HK2: variants seen among roughly 807,000 people sequenced by gnomAD.
HK2 encodes hexokinase 2.
A neutral mutation model predicts 92.9 loss-of-function variants in HK2; 42 were observed. That is an observed-to-expected ratio of 0.45 (90% CI 0.35 to 0.58). HK2 has a LOEUF of 0.58. Ranked by LOEUF, HK2 falls within the 20% of genes least tolerant of loss-of-function variation. The pLI is 0.00. For missense variants in HK2, 978 were observed against 1,245.1 expected, an observed-to-expected ratio of 0.79 and a Z score of 3.23; for synonymous variants, 422 against 468.0, an observed-to-expected ratio of 0.90 and a Z score of 1.27.
intron 10 of HK2, among the ~76,000 whole-genome samples, chr2:74,881,192 C>G (rs1460414499): frequency 6.6e-6 from 1 of 152,252 alleles, no homozygotes; most frequent in East Asian, 1.9e-4. Context: ...CGTTTGCTGT[C>G]TGGGCCTTTA....
At chr2:74,836,060 G>A (rs949047490) in intron 1 of HK2, among the ~76,000 whole-genome samples, 3 of 152,154 alleles carry the variant, frequency 2.0e-5, no homozygotes, top group Non-Finnish European at 2.9e-5. Context: ...TAATTCCTGG[G>A]ATGTGGCTCT....
intron 1 of HK2, among the ~76,000 whole-genome samples, chr2:74,853,563 C>CAACAAA (rs1239618602): frequency 7.3e-6 from 1 of 136,990 alleles, no homozygotes; most frequent in Non-Finnish European, 1.6e-5. Context: ...ACAACAACAA[C>CAACAAA]AAAATTAGCC....
Position 74,834,559 on chromosome 2 carries a change from T to C in HK2, c.-22T>C, listed in dbSNP as rs199694507. Reference sequence around the variant, plus strand: ...CGTCTCCGCCTCGGTTTCCCAACTCTGCGCCGTCGGGCCGCGGCAGGATGA... The same window carrying C: ...CGTCTCCGCCTCGGTTTCCCAACTCCGCGCCGTCGGGCCGCGGCAGGATGA... On this transcript the variant is annotated 5_prime_UTR_variant, in exon 1 of 18. Coordinates refer to ENST00000290573, the MANE Select transcript of HK2 (RefSeq NM_000189.5). This position sits in a 1 kb window ranked among gnomAD's most constrained non-coding sequence, Gnocchi z 4.2. The C allele has an allele frequency of 3.4e-5, 55 of 1,613,504 alleles. No homozygotes were observed. The East Asian group carries it at 1.0e-3, about 31-fold the overall frequency.
intron 1 of HK2, among the ~76,000 whole-genome samples, chr2:74,835,608 T>G (rs1267940672): frequency 1.8e-4 from 21 of 119,580 alleles, no homozygotes; most frequent in South Asian, 6.6e-4. Context: ...GGTATGGGGG[T>G]GGGGATGGGG....
At chr2:74,850,359 A>G (rs1290128265) in intron 1 of HK2, among the ~76,000 whole-genome samples, 1 of 152,258 alleles carries the variant, frequency 6.6e-6, no homozygotes, top group East Asian at 1.9e-4. Flanking sequence ...TCTTTGATTG[A>G]GGAAACTCTT....
chr2:74,873,102 A>C (rs958477883), intron 4 of HK2, among the ~76,000 whole-genome samples, 174 bp from the exon 5 acceptor site: 3 of 152,242 alleles, frequency 2.0e-5, no homozygotes, highest in Non-Finnish European at 4.4e-5. Flanking sequence ...TGTGTCTTAT[A>C]GTGCCAGTTG....
chr2:74,875,764 T>A (rs1056892680), intron 7 of HK2, among the ~76,000 whole-genome samples: 1 of 152,236 alleles, frequency 6.6e-6, no homozygotes, highest in African/African-American at 2.4e-5. Flanking sequence ...GAGAGGTTTA[T>A]GAGCTGAAAA....
chr2:74,855,514 C>T (rs1016324604), intron 2 of HK2, among the ~76,000 whole-genome samples: 9 of 152,138 alleles, frequency 5.9e-5, no homozygotes, highest in South Asian at 2.1e-4. Context: ...GGATTACAGG[C>T]GTGGCTACCG....
At chr2:74,858,170 C>T (rs974237345) in intron 2 of HK2, among the ~76,000 whole-genome samples, 1 of 152,110 alleles carries the variant, frequency 6.6e-6, no homozygotes, top group African/African-American at 2.4e-5. Context: ...AATTTGGGGA[C>T]CAGAATTTAT....
chr2:74,840,593 C>T (rs933651826), intron 1 of HK2, among the ~76,000 whole-genome samples: 4 of 150,732 alleles, frequency 2.7e-5, no homozygotes, highest in Non-Finnish European at 4.4e-5. Context: ...TTATGCCGGG[C>T]GCGGTGGCTC....
chr2:74,887,009 C>T (rs1331014898), intron 15 of HK2, among the ~76,000 whole-genome samples: 2 of 152,198 alleles, frequency 1.3e-5, no homozygotes, highest in Non-Finnish European at 2.9e-5. Flanking sequence ...CAAATCCTCT[C>T]CCTCCTCCAT....
Position 74,891,170 on chromosome 2 carries a change from C to G in HK2, c.*229C>G. The G allele has an allele frequency of 1.8e-6, 1 of 561,166 alleles. No individual in the cohort carries two copies. The allele number at this position is 561,166 out of a possible 1,614,324, so 34.8% of individuals were successfully genotyped here. A position where few individuals can be genotyped will look rare whatever the true frequency, so the allele number is the denominator to read the frequency against. Reference sequence around the variant, plus strand: ...AAGGATTTGTTCACATGCATCATAACCATTCCCATTGGTTCTCCTAAAACA... The same window carrying G: ...AAGGATTTGTTCACATGCATCATAAGCATTCCCATTGGTTCTCCTAAAACA... On this transcript the variant is annotated 3_prime_UTR_variant, in exon 18 of 18. Coordinates refer to ENST00000290573, the MANE Select transcript of HK2 (RefSeq NM_000189.5).
intron 1 of HK2, among the ~76,000 whole-genome samples, chr2:74,850,239 A>C (rs1052169093): frequency 6.6e-6 from 1 of 152,220 alleles, no homozygotes; most frequent in Non-Finnish European, 1.5e-5. Flanking sequence ...TGGAATTCTT[A>C]CTGTTTTCTT....
Position 74,866,562 on chromosome 2 carries a change from G to A in HK2, c.227-1074G>A, listed in dbSNP as rs891281650. Among the ~76,000 whole-genome samples, 7 of 152,290 alleles carry A rather than the reference G, an allele frequency of 4.6e-5. No homozygotes were observed. The Middle Eastern group carries it at 0.017, about 370-fold the overall frequency. The stretch of plus-strand genomic sequence containing the variant: ...ATGGGGCCCTTCCCCATAGTCGGTG[G>A]TATTATCACCCAGGATCTGGATGTT... On this transcript the variant is annotated intron_variant, in intron 2 of 17. Coordinates refer to ENST00000290573, the MANE Select transcript of HK2 (RefSeq NM_000189.5).
In HK2 at chr2:74,878,792, C is replaced by T. The variant is rs780695752; in HGVS notation, c.1136C>T (p.Ser379Phe). Residue 379 changes from serine to phenylalanine, a missense_variant, in exon 9 of 18, where the codon TCC becomes TTC. Transcript: ENST00000290573. Reference sequence around the variant, plus strand: ...ACTCACCGGATCTGCCAGATCGTGTCCACACGCTCCGCCAGCCTGTGCGCA... The same window carrying T: ...ACTCACCGGATCTGCCAGATCGTGTTCACACGCTCCGCCAGCCTGTGCGCA... ...VATHRICQIV[S>F]TRSASLCAAT... 3.2e-6 allele frequency: 5 copies of T among 1,564,582 alleles called. No individual in the cohort carries two copies. The highest frequency in any genetic ancestry group is 3.5e-6 in the Non-Finnish European group (4 of 1,155,436).
intron 3 of HK2, 97 bp downstream of exon 3, chr2:74,867,881 C>A: frequency 7.1e-7 from 1 of 1,404,112 alleles, no homozygotes; most frequent in Non-Finnish European, 1.0e-6. Flanking sequence ...TGTGGATAGG[C>A]AGTCACCCAA....
chr2:74,838,664 G>A (rs1389797341), intron 1 of HK2, among the ~76,000 whole-genome samples: 3 of 150,976 alleles, frequency 2.0e-5, no homozygotes, highest in African/African-American at 4.9e-5. Context: ...TCAGCCTCCC[G>A]AGTAGCTGGG....
At chr2:74,873,493 C>T (rs533636154) in intron 5 of HK2, 122 bp downstream of exon 5, 18 of 685,600 alleles carry the variant, frequency 2.6e-5, no homozygotes, top group Non-Finnish European at 4.1e-5. Flanking sequence ...TTCTCTTTTC[C>T]CTGACACATG....
intron 2 of HK2, 116 bp downstream of exon 2, chr2:74,854,571 G>A (rs1369414022): frequency 1.9e-5 from 21 of 1,101,262 alleles, no homozygotes; most frequent in Admixed American, 1.9e-5. Context: ...GCTAAGGGAA[G>A]CATCCAGGGA....
Sources: gnomAD v4.1 joint callset for allele counts (sites outside exome capture counted in the v4.1 genomes callset) on GRCh38, gnomAD v4.1.1 for gene constraint, Gnocchi (gnomAD v3.1) non-coding constraint, MANE v1.5 for transcripts, NCBI Gene and HGNC (gene_info 2026-07-23, HGNC 2026-07-21) for gene names.